Variants in TLE4 observed in about 807,000 individuals in gnomAD.
TLE4 encodes TLE family member 4, transcriptional corepressor.
A neutral mutation model predicts 92.8 loss-of-function variants in TLE4; 8 were observed. The observed-to-expected ratio is 0.09, with a 90% CI of 0.05 to 0.16. The LOEUF is 0.16. Among genes scored for constraint, TLE4 ranks in the 10% least tolerant of loss-of-function variants. TLE4 has a pLI of 1.00. For missense variants in TLE4, 675 were observed against 997.6 expected (o/e 0.68, Z 4.36); for synonymous variants, 371 against 374.1 (o/e 0.99, Z 0.10).
intron 6 of TLE4, among the ~76,000 whole-genome samples, chr9:79,642,046 G>A (rs1226893413): frequency 6.6e-6 from 1 of 151,254 alleles, no homozygotes; most frequent in African/African-American, 2.4e-5. Context: ...TAATTTACAC[G>A]TATATTCTAT....
intron 8 of TLE4, among the ~76,000 whole-genome samples, chr9:79,676,612 A>G (rs971005624): frequency 4.4e-4 from 67 of 152,212 alleles, no homozygotes; most frequent in African/African-American, 1.6e-3. Context: ...TAAATAAAAT[A>G]TGTGGAAAGA....
At chr9:79,601,530 A>T (rs752635501) in intron 4 of TLE4, 5 of 451,254 alleles carry the variant, frequency 1.1e-5, no homozygotes, top group Non-Finnish European at 2.2e-5. Flanking sequence ...CAATGTTTCA[A>T]ACTTTCTTAT....
chr9:79,591,482 A>G (rs905186705), intron 4 of TLE4, among the ~76,000 whole-genome samples: 16 of 152,242 alleles, frequency 1.1e-4, no homozygotes, highest in African/African-American at 3.9e-4. Flanking sequence ...TGCTTGGGCT[A>G]TAAAAAGAAA....
At chr9:79,591,516 T>A (rs1167013316) in intron 4 of TLE4, among the ~76,000 whole-genome samples, 1 of 152,204 alleles carries the variant, frequency 6.6e-6, no homozygotes, top group Non-Finnish European at 1.5e-5. Flanking sequence ...TAATCAGTAG[T>A]TGGTCAAGGG....
At chr9:79,572,900 G>T in intron 1 of TLE4, 65 bp downstream of exon 1, 9 of 1,526,736 alleles carry the variant, frequency 5.9e-6, no homozygotes, top group Non-Finnish European at 8.0e-6. Context: ...CGCCCCCTGC[G>T]CACCGAGTTG....
At position 79,610,924 on chromosome 9, in the gene TLE4, A is replaced by G. The variant is rs549607607; in HGVS notation, c.253-1732A>G. 2.5e-4 allele frequency among the ~76,000 whole-genome samples: 38 copies of G among 152,072 alleles called. No individual in the cohort carries two copies. In the East Asian group the frequency reaches 3.9e-3, roughly 16 times the overall value. ...TTTTCAGCCCTCCTAGCAAGGGACT[A>G]TTTTATTTATGTAAACAACATAATG... On this transcript the variant is annotated intron_variant, in intron 4 of 19. Coordinates refer to ENST00000376552, the MANE Select transcript of TLE4 (RefSeq NM_007005.6).
chr9:79,616,482 T>A (rs1287207521), intron 5 of TLE4, among the ~76,000 whole-genome samples: 1 of 152,170 alleles, frequency 6.6e-6, no homozygotes, highest in East Asian at 1.9e-4. Context: ...TGGGAGGAGC[T>A]AGAACCAGCC....
At chr9:79,624,496 T>C (rs940947490) in intron 5 of TLE4, among the ~76,000 whole-genome samples, 1 of 152,188 alleles carries the variant, frequency 6.6e-6, no homozygotes, top group Middle Eastern at 3.2e-3. Flanking sequence ...AATAGGGAAG[T>C]AGAATTCTGA....
chr9:79,650,027 C>A, intron 6 of TLE4, among the ~76,000 whole-genome samples: 1 of 151,784 alleles, frequency 6.6e-6, no homozygotes, highest in Non-Finnish European at 1.5e-5. Context: ...GTGATTCTCC[C>A]ACCTCAGCCT....
intron 8 of TLE4, among the ~76,000 whole-genome samples, chr9:79,696,955 T>C (rs994159176): frequency 6.6e-6 from 1 of 152,312 alleles, no homozygotes; most frequent in African/African-American, 2.4e-5. Context: ...GTCAAACTCA[T>C]GTACCACATG....
chr9:79,681,280 C>T (rs539258681), intron 8 of TLE4, among the ~76,000 whole-genome samples: 5 of 151,670 alleles, frequency 3.3e-5, no homozygotes, highest in African/African-American at 9.6e-5. Context: ...CTTGGATATA[C>T]TTAATCTGCT....
At chr9:79,625,269 T>C (rs1311418192) in intron 5 of TLE4, among the ~76,000 whole-genome samples, 1 of 151,980 alleles carries the variant, frequency 6.6e-6, no homozygotes, top group Admixed American at 6.6e-5. Flanking sequence ...TCCGCCCGCC[T>C]CGGCCTCCCA....
At chr9:79,656,223 C>T (rs929349854) in intron 8 of TLE4, among the ~76,000 whole-genome samples, 7 of 152,136 alleles carry the variant, frequency 4.6e-5, no homozygotes, top group South Asian at 2.1e-4. Context: ...CTTGTTCCAT[C>T]GATCGTCCTC....
intron 6 of TLE4, among the ~76,000 whole-genome samples, chr9:79,636,171 G>T (rs574417145): frequency 3.9e-5 from 6 of 152,182 alleles, no homozygotes; most frequent in Non-Finnish European, 7.4e-5. Flanking sequence ...AGTGAGTGTG[G>T]TGGTGTCGTC....
At chr9:79,711,262 A>T (rs1271315215) in intron 14 of TLE4, among the ~76,000 whole-genome samples, 1 of 152,224 alleles carries the variant, frequency 6.6e-6, no homozygotes, top group East Asian at 1.9e-4. Context: ...AGAGTTCCTC[A>T]AGAGTTGAAG....
chr9:79,688,539 TAGA>T (rs2066376689), intron 8 of TLE4, among the ~76,000 whole-genome samples: 1 of 152,012 alleles, frequency 6.6e-6, no homozygotes, highest in South Asian at 2.1e-4. Flanking sequence ...AGCTTGTAAA[TAGA>T]AGTGCTGAGC....
At chr9:79,625,775 A>G (rs1229722464) in intron 5 of TLE4, among the ~76,000 whole-genome samples, 2 of 151,946 alleles carry the variant, frequency 1.3e-5, no homozygotes, top group Non-Finnish European at 2.9e-5. Flanking sequence ...AAATCCCTTA[A>G]GACTTTTACT....
intron 4 of TLE4, among the ~76,000 whole-genome samples, chr9:79,606,187 G>GGTTTTTTTTTTTTTT: frequency 3.5e-5 from 1 of 28,714 alleles, no homozygotes; most frequent in East Asian, 9.7e-4. Context: ...AGTAGTAGTT[G>GGTTTTTTTTTTTTTT]TTTTTTTTTT....
In TLE4 at chr9:79,681,910, T is replaced by A. The variant is rs182558610; in HGVS notation, c.610-22873T>A. On this transcript the variant is annotated intron_variant, in intron 8 of 19. Transcript: ENST00000376552. The stretch of plus-strand genomic sequence containing the variant: ...GGTATATAATATAGTTATATATAAT[T>A]TGATATTTTTTTAATGACTCTTGGA... Among the ~76,000 whole-genome samples the A allele has an allele frequency of 1.5e-3, 223 of 151,244 alleles. 1 individual carries two copies. The highest frequency in any genetic ancestry group is 4.1e-3 in the African/African-American group (167 of 41,174).
Sources: allele counts gnomAD v4.1 joint callset (sites outside exome capture counted in the v4.1 genomes callset), GRCh38; gene constraint gnomAD v4.1.1; transcripts MANE v1.5; gene names NCBI Gene and HGNC (gene_info 2026-07-23, HGNC 2026-07-21).